The following DGLUCY variants were observed in gnomAD, a reference collection of about 807,000 sequenced individuals.
DGLUCY encodes D-glutamate cyclase, also known as D-glutamate cyclase, mitochondrial.
DGLUCY carries 58 observed loss-of-function variants against 58.5 expected under a neutral mutation model. The ratio of observed to expected loss-of-function variants is 0.99; its 90% CI spans 0.80 to 1.23. DGLUCY has a LOEUF of 1.23. Among genes scored for constraint, DGLUCY ranks in the 50% most tolerant of loss-of-function variants. The pLI, the probability that DGLUCY is intolerant of heterozygous loss-of-function variation, is 0.00. For synonymous variants in DGLUCY, 325 were observed against 314.1 expected (o/e 1.03, Z -0.37); for missense variants, 779 against 784.7 (o/e 0.99, Z 0.09).
chr14:91,117,808 A>G (rs1210666197), intron 1 of DGLUCY, among the ~76,000 whole-genome samples: 2 of 152,218 alleles, frequency 1.3e-5, no homozygotes, highest in Non-Finnish European at 2.9e-5. Context: ...TTAGGAAGAC[A>G]TAGACATCAA....
At chr14:91,220,218 C>T (rs1887239543) in intron 13 of DGLUCY, among the ~76,000 whole-genome samples, 1 of 152,244 alleles carries the variant, frequency 6.6e-6, no homozygotes, top group Non-Finnish European at 1.5e-5. Context: ...CCGCCCACTT[C>T]AGCCTGGAGC....
intron 1 of DGLUCY, among the ~76,000 whole-genome samples, chr14:91,067,097 AAAG>A (rs1246928229): frequency 4.7e-5 from 7 of 149,160 alleles, no homozygotes; most frequent in African/African-American, 1.5e-4. Flanking sequence ...AAAAAAAAAA[AAAG>A]AAAGAGTTAT....
intron 1 of DGLUCY, among the ~76,000 whole-genome samples, chr14:91,120,338 T>C (rs1274111614): frequency 6.6e-6 from 1 of 152,192 alleles, no homozygotes; most frequent in Non-Finnish European, 1.5e-5. Flanking sequence ...TCTCTTCTTG[T>C]ATTTATTTTC....
chr14:91,204,347 C>T (rs916782216), intron 11 of DGLUCY, among the ~76,000 whole-genome samples: 13 of 152,272 alleles, frequency 8.5e-5, no homozygotes, highest in Non-Finnish European at 1.8e-4. Context: ...GCACCAGATC[C>T]CCCGGGGGGC....
chr14:91,105,090 G>T (rs2044566433), upstream of DGLUCY, among the ~76,000 whole-genome samples: 1 of 152,172 alleles, frequency 6.6e-6, no homozygotes. Context: ...TGAGTTGGGA[G>T]GATCACACGA....
At chr14:91,148,980 G>C (rs1306425703) in intron 1 of DGLUCY, 1 of 151,196 alleles carries the variant, frequency 6.6e-6, no homozygotes, top group Non-Finnish European at 1.5e-5. Context: ...ACGCGCGGTG[G>C]CTCATACCTG....
chr14:91,220,887 C>G (rs201620984), intron 13 of DGLUCY: 26 of 350,258 alleles, frequency 7.4e-5, no homozygotes, highest in Middle Eastern at 1.1e-3. Flanking sequence ...TGGGAGTGGG[C>G]AAGCCAATGC....
At position 91,151,853 on chromosome 14, in the gene DGLUCY, C is replaced by A. The variant is rs574710014; in HGVS notation, c.-81-5786C>A. On this transcript the variant is annotated intron_variant, in intron 1 of 13. Coordinates refer to ENST00000256324, the MANE Select transcript of DGLUCY (RefSeq NM_001102368.3). ...TATTTTTAGTAGAGACGGGGTTTTG[C>A]CATGTTGGCCAGACTGGTCTTGAAC... Among the ~76,000 whole-genome samples, 14 of 151,892 alleles carry A rather than the reference C, an allele frequency of 9.2e-5. No homozygotes were observed. In the South Asian group the frequency reaches 2.9e-3, roughly 31 times the overall value.
chr14:91,146,073 A>T (rs1363033331), intron 1 of DGLUCY, among the ~76,000 whole-genome samples: 3 of 152,254 alleles, frequency 2.0e-5, no homozygotes, highest in South Asian at 2.1e-4. Flanking sequence ...GGGTCTCACC[A>T]TGTTGCTCAG....
intron 1 of DGLUCY, among the ~76,000 whole-genome samples, chr14:91,096,519 A>C (rs1438325694): frequency 2.0e-5 from 3 of 152,178 alleles, no homozygotes; most frequent in African/African-American, 7.2e-5. Flanking sequence ...GGGCCAAGTC[A>C]GTAACGGATG....
chr14:91,169,856 C>A, intron 4 of DGLUCY, 147 bp from the exon 5 acceptor site: 1 of 777,450 alleles, frequency 1.3e-6, no homozygotes, highest in Non-Finnish European at 2.1e-6. Context: ...AGGCCCCCTG[C>A]TGAAAACTAT....
intron 1 of DGLUCY, among the ~76,000 whole-genome samples, chr14:91,084,839 C>T (rs1276361644): frequency 6.6e-6 from 1 of 152,178 alleles, no homozygotes; most frequent in African/African-American, 2.4e-5. Flanking sequence ...GTTTTGTACT[C>T]ATGATGCTTA....
At chr14:91,116,841 G>A (rs2044986993) in intron 1 of DGLUCY, among the ~76,000 whole-genome samples, 1 of 151,984 alleles carries the variant, frequency 6.6e-6, no homozygotes, top group Admixed American at 6.6e-5. Flanking sequence ...CTATTTGGGA[G>A]GCTGAGGCAG....
intron 1 of DGLUCY, among the ~76,000 whole-genome samples, chr14:91,079,256 A>G (rs1037925823): frequency 1.3e-5 from 2 of 151,988 alleles, no homozygotes; most frequent in Non-Finnish European, 2.9e-5. Flanking sequence ...TTCTGAGCGC[A>G]ATATTATACG....
intron 7 of DGLUCY, among the ~76,000 whole-genome samples, chr14:91,180,126 G>A (rs1470871746): frequency 6.6e-6 from 1 of 151,248 alleles, no homozygotes; most frequent in Non-Finnish European, 1.5e-5. Flanking sequence ...CTGACCTCAG[G>A]TGATCCACCC....
At position 91,136,803 on chromosome 14, in the gene DGLUCY, TA is replaced by T. The variant is rs557988737; in HGVS notation, c.-81-20834del. ...GGCCAACATGGAGAAACTCCATCTC[TA>T]ACTAAAAATACAAAATTAGTCAGGC... is the stretch of plus-strand genomic sequence containing the variant. On this transcript the variant is annotated intron_variant, in intron 1 of 13. Coordinates refer to ENST00000256324, the MANE Select transcript of DGLUCY (RefSeq NM_001102368.3). Among the ~76,000 whole-genome samples the T allele has an allele frequency of 2.8e-3, 419 of 151,998 alleles. 2 individuals are homozygous for T. The highest frequency in any genetic ancestry group is 8.1e-3 in the African/African-American group (335 of 41,456).
chr14:91,144,173 A>C (rs2046887975), intron 1 of DGLUCY, among the ~76,000 whole-genome samples: 1 of 152,232 alleles, frequency 6.6e-6, no homozygotes, highest in Non-Finnish European at 1.5e-5. Flanking sequence ...CAGACTGCTC[A>C]GCCGGGGTGG....
chr14:91,080,470 A>G (rs1385508639), intron 1 of DGLUCY, among the ~76,000 whole-genome samples: 1 of 152,166 alleles, frequency 6.6e-6, no homozygotes, highest in Non-Finnish European at 1.5e-5. Flanking sequence ...TCCCAGGTTC[A>G]AGCGATTCTC....
At chr14:91,198,863 T>C (rs559903943) in intron 10 of DGLUCY, among the ~76,000 whole-genome samples, 1 of 152,258 alleles carries the variant, frequency 6.6e-6, no homozygotes, top group East Asian at 1.9e-4. Flanking sequence ...TTAGGGAGGT[T>C]AAGCAATTTG....
Sources: gnomAD v4.1 joint callset for allele counts (sites outside exome capture counted in the v4.1 genomes callset) on GRCh38, gnomAD v4.1.1 for gene constraint, MANE v1.5 for transcripts, NCBI Gene and HGNC (gene_info 2026-07-23, HGNC 2026-07-21) for gene names.